ZNF492: variants seen among roughly 807,000 people sequenced by gnomAD.
ZNF492 encodes zinc finger protein 492, also known as zinc finger protein 115 (Y20).
ZNF492 carries 3 observed loss-of-function variants against 6.4 expected under a neutral mutation model. That is an observed-to-expected ratio of 0.47 (90% CI 0.21 to 1.22). The LOEUF (loss-of-function observed/expected upper bound fraction) is 1.22, where lower values mean the gene tolerates loss of function less well. ZNF492 is among the 50% of genes most tolerant of loss of function. The pLI, the probability that ZNF492 is intolerant of heterozygous loss-of-function variation, is 0.22. For missense variants in ZNF492, 356 were observed against 612.5 expected, an observed-to-expected ratio of 0.58 and a Z score of 4.42; for synonymous variants, 112 against 205.3, an observed-to-expected ratio of 0.55 and a Z score of 3.89.
At chr19:22,652,979 T>G in intron 1 of ZNF492, among the ~76,000 whole-genome samples, 1 of 152,006 alleles carries the variant, frequency 6.6e-6, no homozygotes, top group Non-Finnish European at 1.5e-5. Flanking sequence ...CTTTTCCATC[T>G]GAAAAATTTA....
chr19:22,643,775 A>T (rs1360799378), intron 1 of ZNF492, among the ~76,000 whole-genome samples: 1 of 152,188 alleles, frequency 6.6e-6, no homozygotes, highest in Admixed American at 6.5e-5. Context: ...TATTTTAATT[A>T]ACTGCCTCAT....
intron 1 of ZNF492, among the ~76,000 whole-genome samples, chr19:22,640,121 C>T (rs35007247): frequency 0.19 from 29,335 of 151,736 alleles, 3,694 homozygotes; most frequent in African/African-American, 0.36. Flanking sequence ...TTTCTGTCTT[C>T]AGTTCTTATT....
chr19:22,647,606 G>GGTT (rs1971894307), intron 1 of ZNF492, among the ~76,000 whole-genome samples: 1 of 120,598 alleles, frequency 8.3e-6, no homozygotes, highest in African/African-American at 3.7e-5. Flanking sequence ...TGGATTCATT[G>GGTT]ATTTTTTTTT....
chr19:22,666,205 T>TTG lies in ZNF492; in HGVS notation c.*940_*941insTG, dbSNP rs375629249. 1 of 143,672 alleles carries TTG rather than the reference T, an allele frequency of 7.0e-6. No individual in the cohort carries two copies. The allele number at this position is 143,672 out of a possible 1,614,324, so 8.9% of individuals were successfully genotyped here. A position where few individuals can be genotyped will look rare whatever the true frequency, so the allele number is the denominator to read the frequency against. ...TTCTTCTTCTTTTTTTTTTTTTTTT[T>TTG]AGATGGAGTCTTGCTCTATCGCCCC... On this transcript the variant is annotated 3_prime_UTR_variant, in exon 4 of 4. Transcript: ENST00000456783.
At chr19:22,646,780 G>T (rs1971881506) in intron 1 of ZNF492, among the ~76,000 whole-genome samples, 1 of 152,036 alleles carries the variant, frequency 6.6e-6, no homozygotes, top group Admixed American at 6.6e-5. Flanking sequence ...ATAATCATGT[G>T]ATTTTTGTCT....
chr19:22,665,259 G>C lies in ZNF492; in HGVS notation c.1590G>C (p.Glu530Asp), dbSNP rs998960843. ...ISKYKRNCAG[E>D]K ...AATATAAAAGAAATTGTGCTGGTGAGAAATAATAGAAATATGAATGTGACA... is the reference window on the plus strand; with the variant it reads ...AATATAAAAGAAATTGTGCTGGTGACAAATAATAGAAATATGAATGTGACA... The change falls in exon 4 of 4, where the codon GAG becomes GAC. Residue 530 changes from glutamate (E) to aspartate (D), a missense_variant. Around this residue, in one of 7 missense-constraint regions of ZNF492, gnomAD observed 81 missense variants for 115.4 expected, o/e 0.70. Coordinates refer to ENST00000456783, the MANE Select transcript of ZNF492 (RefSeq NM_020855.3). The C allele has an allele frequency of 1.3e-6, 2 of 1,552,666 alleles. No individual in the cohort carries two copies. Among genetic ancestry groups the C allele is most frequent in the African/African-American group, 2.8e-5 (2 of 71,964 alleles).
intron 1 of ZNF492, among the ~76,000 whole-genome samples, chr19:22,647,097 G>A (rs1186900238): frequency 6.6e-6 from 1 of 151,852 alleles, no homozygotes; most frequent in African/African-American, 2.4e-5. Context: ...CTCCATGTTG[G>A]TCAGGCTGGG....
intron 1 of ZNF492, among the ~76,000 whole-genome samples, chr19:22,639,220 C>T (rs945765684): frequency 1.3e-5 from 2 of 152,092 alleles, no homozygotes. Flanking sequence ...AGTGTTTTCA[C>T]AGTGTTGTCA....
In ZNF492 at chr19:22,653,392, G is replaced by A; in HGVS notation, c.-8G>A. 6.2e-7 allele frequency: 1 copy of A among 1,613,934 alleles called. No homozygotes were observed. The highest frequency in any genetic ancestry group is 8.5e-7 in the Non-Finnish European group (1 of 1,180,016). ...GACACCGCACAGCAGAATTTATATA[G>A]GAATGTGATGTTAGAGAACTACAGA... is the stretch of plus-strand genomic sequence containing the variant. On this transcript the variant is annotated 5_prime_UTR_variant, in exon 2 of 4. An upstream open reading frame in the 5' UTR loses its in-frame stop. Coordinates refer to ENST00000456783, the MANE Select transcript of ZNF492 (RefSeq NM_020855.3).
rs1181932714 is a variant in ZNF492 at position 22,664,061 on chromosome 19, A to G, written c.392A>G (p.His131Arg). ...CATAAATTTTCAAATTCAAACAGAC[A>G]TACGATAAGACATACTGGAAAGAAA... ...VFHKFSNSNRHTIRHTGKKSF... is the reference protein window; with the variant it reads ...VFHKFSNSNRRTIRHTGKKSF... The change falls in exon 4 of 4, where the codon CAT becomes CGT. Residue 131 changes from histidine to arginine, a missense_variant. By Grantham distance (29) the His-to-Arg change is conservative. This residue lies in a region of ZNF492 where 196 missense variants were observed against 219.4 expected (regional missense o/e 0.89). Coordinates refer to ENST00000456783, the MANE Select transcript of ZNF492 (RefSeq NM_020855.3). The G allele has an allele frequency of 3.1e-6, 5 of 1,603,464 alleles. No homozygotes were observed. Among genetic ancestry groups the G allele is most frequent in the East Asian group, 4.5e-5 (2 of 44,628 alleles).
chr19:22,664,820 A>G lies in ZNF492; in HGVS notation c.1151A>G (p.Lys384Arg). Residue 384 changes from lysine to arginine, a missense_variant, in exon 4 of 4, where the codon AAG becomes AGG. By Grantham distance (26) the Lys-to-Arg change is conservative. Transcript: ENST00000456783. ...FSRFSHLTTH[K>R]RIHTGEKPYK... ...CGGTTCTCACACCTTACTACACATA[A>G]GAGAATTCATACTGGAGAGAAGCCC... 6 of 1,610,168 alleles carry G rather than the reference A, an allele frequency of 3.7e-6. No individual in the cohort carries two copies. Among genetic ancestry groups the G allele is most frequent in the Non-Finnish European group, 5.1e-6 (6 of 1,178,068 alleles).
In ZNF492 at chr19:22,635,890, AG is replaced by A. The variant is rs375664515; in HGVS notation, c.-94+1420del. Among the ~76,000 whole-genome samples, 130 of 152,292 alleles carry A rather than the reference AG, an allele frequency of 8.5e-4. 1 individual carries two copies. The highest frequency in any genetic ancestry group is 2.9e-3 in the African/African-American group (120 of 41,574). ...CTCTTTTAACTTTTATTTTTGGTTC[AG>A]GGGTACACATGCAGGTTTGTTATAC... On this transcript the variant is annotated intron_variant, in intron 1 of 3. Transcript: ENST00000456783.
intron 1 of ZNF492, among the ~76,000 whole-genome samples, chr19:22,647,458 C>T (rs991244919): frequency 6.6e-6 from 1 of 150,870 alleles, no homozygotes; most frequent in Non-Finnish European, 1.5e-5. Flanking sequence ...GATGGGGTTT[C>T]ACCATGTTGG....
In ZNF492 at chr19:22,666,547, A is replaced by G. The variant is rs1011151721; in HGVS notation, c.*1282A>G. On this transcript the variant is annotated 3_prime_UTR_variant, in exon 4 of 4. Transcript: ENST00000456783. ...ATGTGAAAGCATGTGACCAAAAGAT[A>G]TGAGGATTATTTTTTATTAGGTGAG... is the stretch of plus-strand genomic sequence containing the variant. 2.0e-5 allele frequency: 3 copies of G among 152,156 alleles called. No individual in the cohort carries two copies. The highest frequency in any genetic ancestry group is 7.2e-5 in the African/African-American group (3 of 41,452). 9.4% of individuals were successfully genotyped at this position (152,156 alleles called of 1,614,324 possible). A position where few individuals can be genotyped will look rare whatever the true frequency, so the allele number is the denominator to read the frequency against.
chr19:22,663,334 C>G (rs998228359), intron 3 of ZNF492, among the ~76,000 whole-genome samples: 1 of 151,942 alleles, frequency 6.6e-6, no homozygotes, highest in Non-Finnish European at 1.5e-5. Context: ...TCAGCAGCCT[C>G]AAACTGTCAT....
At chr19:22,637,075 C>T (rs1599393217) in intron 1 of ZNF492, among the ~76,000 whole-genome samples, 3 of 151,154 alleles carry the variant, frequency 2.0e-5, no homozygotes, top group African/African-American at 7.3e-5. Flanking sequence ...CTTGCCTCAG[C>T]CTCCCAAGTA....
At chr19:22,657,765 G>T (rs1183182463) in intron 3 of ZNF492, among the ~76,000 whole-genome samples, 4 of 152,052 alleles carry the variant, frequency 2.6e-5, no homozygotes, top group Admixed American at 6.5e-5. Flanking sequence ...GTTTTTACAT[G>T]TAAGTCGGTG....
intron 3 of ZNF492, among the ~76,000 whole-genome samples, chr19:22,660,408 T>G (rs1359206224): frequency 1.3e-5 from 2 of 151,836 alleles, no homozygotes; most frequent in Non-Finnish European, 2.9e-5. Context: ...TTTGTATATT[T>G]GTACAGATTT....
At chr19:22,643,741 T>A (rs1229293351) in intron 1 of ZNF492, among the ~76,000 whole-genome samples, 1 of 152,240 alleles carries the variant, frequency 6.6e-6, no homozygotes, top group Non-Finnish European at 1.5e-5. Context: ...TTCTGTTTAA[T>A]GTTCTGGGTG....
Sources: gnomAD v4.1 joint callset for allele counts (sites outside exome capture counted in the v4.1 genomes callset) on GRCh38, gnomAD v4.1.1 for gene constraint, gnomAD v4.1.1 regional missense constraint, MANE v1.5 for transcripts, NCBI Gene and HGNC (gene_info 2026-07-23, HGNC 2026-07-21) for gene names.